The following RGS9 variants were observed in gnomAD, a reference collection of about 807,000 sequenced individuals.
RGS9 encodes the protein regulator of G protein signaling 9, also known as regulator of G-protein signalling 9.
A neutral mutation model predicts 102.0 loss-of-function variants in RGS9; 78 were observed. The observed-to-expected ratio is 0.76, with a 90% confidence interval of 0.64 to 0.92. The LOEUF (loss-of-function observed/expected upper bound fraction) is 0.92. Ranked by LOEUF, RGS9 falls within the 40% of genes least tolerant of loss-of-function variation. The pLI is 0.00. For synonymous variants in RGS9, 353 were observed against 318.6 expected, an observed-to-expected ratio of 1.11 and a Z score of -1.15; for missense variants, 833 against 866.1, an observed-to-expected ratio of 0.96 and a Z score of 0.48.
chr17:65,183,659 AC>A (rs1194667228), intron 9 of RGS9, among the ~76,000 whole-genome samples: 1 of 151,560 alleles, frequency 6.6e-6, no homozygotes, highest in Non-Finnish European at 1.5e-5. Flanking sequence ...CTGACTTTAG[AC>A]CCCCTCTCTG....
At chr17:65,181,880 A>G (rs909260750) in intron 9 of RGS9, among the ~76,000 whole-genome samples, 7 of 152,258 alleles carry the variant, frequency 4.6e-5, no homozygotes, top group Admixed American at 3.9e-4. Context: ...ATCAACACGT[A>G]GAGACACTCC....
intron 2 of RGS9, among the ~76,000 whole-genome samples, chr17:65,156,281 C>T (rs1398065738): frequency 6.6e-6 from 1 of 152,216 alleles, no homozygotes; most frequent in African/African-American, 2.4e-5. Flanking sequence ...CCTCGGCCTC[C>T]CAAAGTGCCG....
chr17:65,160,935 T>C, intron 6 of RGS9, 26 bp downstream of exon 6: 1 of 1,571,646 alleles, frequency 6.4e-7, no homozygotes, highest in Non-Finnish European at 8.8e-7. Context: ...TAAGTAGAGG[T>C]TGTTATAATT....
At chr17:65,142,159 G>C (rs1423473637) in intron 1 of RGS9, among the ~76,000 whole-genome samples, 6 of 152,192 alleles carry the variant, frequency 3.9e-5, no homozygotes, top group African/African-American at 1.4e-4. Context: ...CAGGAGAATT[G>C]CTTGAACCCA....
chr17:65,171,538 G>C (rs1356368777), intron 8 of RGS9, among the ~76,000 whole-genome samples: 1 of 152,228 alleles, frequency 6.6e-6, no homozygotes, highest in Non-Finnish European at 1.5e-5. Context: ...TGGAGCACAG[G>C]TGAGTGACAC....
intron 17 of RGS9, among the ~76,000 whole-genome samples, chr17:65,220,851 G>A (rs1041682594): frequency 6.6e-6 from 1 of 151,944 alleles, no homozygotes; most frequent in Non-Finnish European, 1.5e-5. Flanking sequence ...CCTTCTCTTG[G>A]TTCCCTTGTA....
intron 15 of RGS9, 23 bp downstream of exon 15, chr17:65,204,324 T>A: frequency 1.9e-6 from 3 of 1,613,314 alleles, no homozygotes. Context: ...GTGCTGTGGA[T>A]ACGGGGTCCA....
At chr17:65,195,181 G>T in intron 12 of RGS9, among the ~76,000 whole-genome samples, 1 of 152,226 alleles carries the variant, frequency 6.6e-6, no homozygotes, top group East Asian at 1.9e-4. Flanking sequence ...GCGGACGCTG[G>T]CTCTCCCTGG....
At chr17:65,151,484 C>T (rs1344713386) in intron 1 of RGS9, among the ~76,000 whole-genome samples, 2 of 152,178 alleles carry the variant, frequency 1.3e-5, no homozygotes, top group African/African-American at 2.4e-5. Flanking sequence ...TCCTGCAGTG[C>T]AGGCTTCCTT....
intron 18 of RGS9, 40 bp downstream of exon 18, chr17:65,225,526 T>G (rs546929044): frequency 6.3e-7 from 1 of 1,599,118 alleles, no homozygotes; most frequent in South Asian, 1.1e-5. Context: ...CATGGGTGGC[T>G]GTGGGTGTGC....
rs116710359 is a variant in RGS9 at position 65,141,517 on chromosome 17, C to G, written c.57+3920C>G. On this transcript the variant is annotated intron_variant, in intron 1 of 18. Transcript: ENST00000262406. ...GATATCCAGGCCGAGTTTGGTATCT[C>G]TTGCTTGTAACATTCTTTCATTCAA... Among the ~76,000 whole-genome samples the G allele has an allele frequency of 5.1e-3, 783 of 152,328 alleles. 8 individuals carry two copies. Among genetic ancestry groups the G allele is most frequent in the African/African-American group, 0.018 (737 of 41,566 alleles).
At chr17:65,210,680 G>A (rs779706947) in intron 17 of RGS9, 75 bp downstream of exon 17, 1 of 1,598,396 alleles carries the variant, frequency 6.3e-7, no homozygotes, top group Non-Finnish European at 8.5e-7. Context: ...ATTCCTGGGG[G>A]TGGGGTCATG....
At chr17:65,193,204 GA>G (rs991792043) in intron 11 of RGS9, among the ~76,000 whole-genome samples, 46 of 149,560 alleles carry the variant, frequency 3.1e-4, no homozygotes, top group African/African-American at 1.1e-3. Context: ...CTGGGAGGCG[GA>G]GGCTGCAGTG....
At chr17:65,210,373 G>A in intron 16 of RGS9, 115 bp from the exon 17 acceptor site, 1 of 1,311,824 alleles carries the variant, frequency 7.6e-7, no homozygotes, top group Non-Finnish European at 1.1e-6. Context: ...GAAAAAGGAG[G>A]GAACAAAATA....
At chr17:65,158,154 G>A (rs1910838701) in intron 2 of RGS9, 141 bp from the exon 3 acceptor site, 10 of 794,890 alleles carry the variant, frequency 1.3e-5, no homozygotes, top group South Asian at 1.2e-4. Context: ...AGCATGATGA[G>A]GTGGGGGTTT....
intron 14 of RGS9, among the ~76,000 whole-genome samples, chr17:65,203,636 G>A (rs968190729): frequency 5.9e-5 from 9 of 152,240 alleles, no homozygotes; most frequent in Admixed American, 2.0e-4. Context: ...GTGTGGCCAA[G>A]TTTGGTCTAA....
At chr17:65,208,121 G>A in intron 16 of RGS9, 114 bp downstream of exon 16, 3 of 739,198 alleles carry the variant, frequency 4.1e-6, no homozygotes, top group Non-Finnish European at 7.2e-6. Context: ...AAAATATTGG[G>A]GACTGGGAAG....
At chr17:65,162,963 A>G (rs1446818808) in intron 6 of RGS9, 50 bp from the exon 7 acceptor site, 2 of 1,023,902 alleles carry the variant, frequency 2.0e-6, no homozygotes, top group Non-Finnish European at 1.5e-6. Flanking sequence ...CCTGCGGCAC[A>G]TGGCATATGT....
chr17:65,139,330 AAATC>A (rs1198224728), intron 1 of RGS9, among the ~76,000 whole-genome samples: 2 of 143,466 alleles, frequency 1.4e-5, no homozygotes, highest in Non-Finnish European at 3.0e-5. Flanking sequence ...TTTTTCCCCC[AAATC>A]AATGGTGACC....
Sources: allele counts gnomAD v4.1 joint callset (sites outside exome capture counted in the v4.1 genomes callset), GRCh38; gene constraint gnomAD v4.1.1; transcripts MANE v1.5; gene names NCBI Gene and HGNC (gene_info 2026-07-23, HGNC 2026-07-21).